Variants in SEMA5A observed in about 807,000 individuals in gnomAD.
The protein encoded by SEMA5A is semaphorin-5A.
In SEMA5A, 55 loss-of-function variants were observed where a neutral mutation model predicts 135.5. That is an observed-to-expected ratio of 0.41 (90% CI 0.33 to 0.51). The LOEUF (loss-of-function observed/expected upper bound fraction) is 0.51. SEMA5A is among the 20% of genes least tolerant of loss of function. The pLI is 0.37. For missense variants in SEMA5A, 1,290 were observed against 1,419.9 expected (o/e 0.91, Z 1.47); for synonymous variants, 580 against 546.5 (o/e 1.06, Z -0.85).
chr5:9,203,861 G>T (rs148201633), intron 8 of SEMA5A, among the ~76,000 whole-genome samples: 15 of 151,986 alleles, frequency 9.9e-5, no homozygotes, highest in South Asian at 4.2e-4. Flanking sequence ...AAAGATGGAG[G>T]TTAGATATCT....
At chr5:9,361,529 A>G (rs1292494258) in intron 3 of SEMA5A, among the ~76,000 whole-genome samples, 2 of 152,090 alleles carry the variant, frequency 1.3e-5, no homozygotes, top group Admixed American at 6.5e-5. Context: ...TAAATGTCTT[A>G]CTCTGGGTTT....
At chr5:9,211,635 C>T (rs1746351601) in intron 8 of SEMA5A, among the ~76,000 whole-genome samples, 4 of 152,136 alleles carry the variant, frequency 2.6e-5, no homozygotes, top group African/African-American at 9.7e-5. Context: ...ACTGAGCTCC[C>T]CAAAGCACCT....
chr5:9,298,759 T>A (rs532775680), intron 5 of SEMA5A, among the ~76,000 whole-genome samples: 1 of 152,338 alleles, frequency 6.6e-6, no homozygotes, highest in South Asian at 2.1e-4. Context: ...AAGACTGTGA[T>A]GGTAGCTGAC....
intron 1 of SEMA5A, among the ~76,000 whole-genome samples, chr5:9,457,585 T>TTAC (rs2126720405): frequency 1.3e-5 from 2 of 152,308 alleles, no homozygotes; most frequent in East Asian, 3.9e-4. Flanking sequence ...ATCCATGACT[T>TTAC]TACCCATCTG....
intron 2 of SEMA5A, among the ~76,000 whole-genome samples, chr5:9,406,787 G>A (rs1181486651): frequency 4.6e-5 from 7 of 152,168 alleles, no homozygotes; most frequent in African/African-American, 1.4e-4. Flanking sequence ...GAGAATGTAC[G>A]GAAATGATAT....
chr5:9,331,356 A>C (rs918681872), intron 4 of SEMA5A, among the ~76,000 whole-genome samples: 1 of 152,230 alleles, frequency 6.6e-6, no homozygotes, highest in Admixed American at 6.5e-5. Context: ...CATTAAATAG[A>C]AGCCTACCGT....
chr5:9,342,358 T>C (rs1753689368), intron 3 of SEMA5A, among the ~76,000 whole-genome samples: 1 of 152,176 alleles, frequency 6.6e-6, no homozygotes, highest in Non-Finnish European at 1.5e-5. Flanking sequence ...TAGCAAACAC[T>C]GACCAGGGAA....
At chr5:9,457,809 G>A (rs1480705161) in intron 1 of SEMA5A, among the ~76,000 whole-genome samples, 1 of 151,706 alleles carries the variant, frequency 6.6e-6, no homozygotes, top group Non-Finnish European at 1.5e-5. Flanking sequence ...ATGCCTTTTG[G>A]GGCTACATGT....
intron 2 of SEMA5A, among the ~76,000 whole-genome samples, chr5:9,407,810 G>A (rs1456395572): frequency 6.6e-6 from 1 of 152,108 alleles, no homozygotes. Context: ...TGGATGGTGA[G>A]TACCTAGCGC....
intron 3 of SEMA5A, among the ~76,000 whole-genome samples, chr5:9,357,584 A>AGGG (rs1754508893): frequency 6.6e-6 from 1 of 152,232 alleles, no homozygotes. Context: ...TCCTGACAGT[A>AGGG]TAACTGCAAA....
intron 11 of SEMA5A, among the ~76,000 whole-genome samples, chr5:9,172,514 T>C (rs528021159): frequency 2.0e-5 from 3 of 152,342 alleles, no homozygotes; most frequent in Admixed American, 2.0e-4. Flanking sequence ...ATCACTTCAA[T>C]ACTAAAAATC....
At chr5:9,514,727 C>T (rs1440867594) in intron 1 of SEMA5A, among the ~76,000 whole-genome samples, 1 of 152,162 alleles carries the variant, frequency 6.6e-6, no homozygotes, top group Non-Finnish European at 1.5e-5. Flanking sequence ...TATATTTGAT[C>T]CACAGGTGGC....
intron 18 of SEMA5A, among the ~76,000 whole-genome samples, chr5:9,055,073 G>C (rs1736815760): frequency 6.6e-6 from 1 of 152,174 alleles, no homozygotes; most frequent in Admixed American, 6.5e-5. Flanking sequence ...GGTACCTGTA[G>C]ACCCGCCTGC....
intron 1 of SEMA5A, among the ~76,000 whole-genome samples, chr5:9,439,088 C>G (rs1358868530): frequency 1.3e-5 from 2 of 152,128 alleles, no homozygotes; most frequent in Non-Finnish European, 2.9e-5. Context: ...CCCAGCAGCC[C>G]AGGCACCCTC....
chr5:9,435,915 C>T (rs1335155736), intron 2 of SEMA5A, among the ~76,000 whole-genome samples: 6 of 152,184 alleles, frequency 3.9e-5, no homozygotes, highest in Non-Finnish European at 8.8e-5. Flanking sequence ...TTCTGAGTTT[C>T]TCTCTACAGG....
chr5:9,107,448 G>T (rs992142743), intron 16 of SEMA5A, among the ~76,000 whole-genome samples: 1 of 151,924 alleles, frequency 6.6e-6, no homozygotes, highest in Non-Finnish European at 1.5e-5. Context: ...TAGTTTCTCA[G>T]TCCCCAGGGT....
intron 2 of SEMA5A, among the ~76,000 whole-genome samples, chr5:9,397,119 A>G (rs1003975012): frequency 1.3e-5 from 2 of 152,182 alleles, no homozygotes; most frequent in African/African-American, 4.8e-5. Flanking sequence ...TTTAAGATAA[A>G]TATGCTCAAG....
At chr5:9,521,764 G>C (rs1736844669) in intron 1 of SEMA5A, among the ~76,000 whole-genome samples, 2 of 152,182 alleles carry the variant, frequency 1.3e-5, no homozygotes, top group African/African-American at 4.8e-5. Flanking sequence ...TCCTCAGAGA[G>C]AGCTTTCCTA....
intron 11 of SEMA5A, among the ~76,000 whole-genome samples, chr5:9,181,393 A>G (rs1348628912): frequency 6.6e-6 from 1 of 152,146 alleles, no homozygotes; most frequent in Non-Finnish European, 1.5e-5. Flanking sequence ...AATACCCTTC[A>G]AAAGCACTAA....
Sources: allele counts gnomAD v4.1 joint callset (sites outside exome capture counted in the v4.1 genomes callset), GRCh38; gene constraint gnomAD v4.1.1; transcripts MANE v1.5; gene names NCBI Gene and HGNC (gene_info 2026-07-23, HGNC 2026-07-21).